S100A9: variants seen among roughly 807,000 people sequenced by gnomAD.
The protein encoded by S100A9 is protein S100-A9.
Under a neutral mutation model 4.3 loss-of-function variants are expected in S100A9, and 2 were observed. The ratio of observed to expected loss-of-function variants is 0.47; its 90% CI spans 0.19 to 1.48. S100A9 has a LOEUF of 1.48. Among genes scored for constraint, S100A9 ranks in the 40% most tolerant of loss-of-function variants. The pLI is 0.24. For synonymous variants in S100A9, 67 were observed against 54.0 expected (o/e 1.24, Z -1.06); for missense variants, 130 against 144.4 (o/e 0.90, Z 0.51).
rs1661442177 is a variant in S100A9 at position 153,361,008 on chromosome 1, A to T, written c.*170A>T. The T allele has an allele frequency of 3.4e-6, 2 of 585,294 alleles. No homozygotes were observed. Among genetic ancestry groups the T allele is most frequent in the African/African-American group, 3.8e-5 (2 of 53,020 alleles). 36.3% of individuals were successfully genotyped at this position (585,294 alleles called of 1,614,324 possible). ...TGGGGCTAGGGGCTGGGGCCAAATAAAGTCTCTTCCTCCAAGTCAGTGCTC... is the reference window on the plus strand; with the variant it reads ...TGGGGCTAGGGGCTGGGGCCAAATATAGTCTCTTCCTCCAAGTCAGTGCTC... On this transcript the variant is annotated 3_prime_UTR_variant, in exon 3 of 3. Coordinates refer to ENST00000368738, the MANE Select transcript of S100A9 (RefSeq NM_002965.4).
intron 2 of S100A9, among the ~76,000 whole-genome samples, chr1:153,358,784 A>G (rs1207593624): frequency 6.6e-6 from 1 of 152,162 alleles, no homozygotes; most frequent in East Asian, 1.9e-4. Context: ...CTGGAAGAAA[A>G]TGAGATAGAG....
At position 153,360,661 on chromosome 1, in the gene S100A9, A is replaced by C; in HGVS notation, c.168A>C (p.Glu56Asp). The change falls in exon 3 of 3, where the codon GAA becomes GAC. Residue 56 changes from glutamate (E) to aspartate (D), a missense_variant. Physicochemically the swap from Glu to Asp is conservative, Grantham distance 45 (BLOSUM62 2). Transcript: ENST00000368738. ...ACCCGCAGAAGGAGAATAAGAATGA[A>C]AAGGTCATAGAACACATCATGGAGG... ...QNFLKKENKN[E>D]KVIEHIMEDL... is the part of the protein sequence containing the mutation. The C allele has an allele frequency of 1.9e-6, 3 of 1,608,072 alleles. No homozygotes were observed. Among genetic ancestry groups the C allele is most frequent in the Non-Finnish European group, 2.6e-6 (3 of 1,175,940 alleles).
At chr1:153,358,970 G>A (rs190946479) in intron 2 of S100A9, among the ~76,000 whole-genome samples, 2 of 152,050 alleles carry the variant, frequency 1.3e-5, no homozygotes, top group East Asian at 3.9e-4. Context: ...GGAACTTGGG[G>A]TGGAAGACTT....
At chr1:153,358,586 G>A (rs529519051) in intron 2 of S100A9, among the ~76,000 whole-genome samples, 153 bp downstream of exon 2, 2 of 152,288 alleles carry the variant, frequency 1.3e-5, no homozygotes, top group South Asian at 4.1e-4. Context: ...TACAGGGCAG[G>A]TGCTCACAGT....
rs557205167 is a variant in S100A9, at chr1:153,358,521, G to C, written c.150+88G>C. 1.7e-3 allele frequency: 1,907 copies of C among 1,130,794 alleles called. 4 individuals carry two copies. Among genetic ancestry groups the C allele is most frequent in the Non-Finnish European group, 2.1e-3 (1,730 of 814,616 alleles). 70.0% of individuals were successfully genotyped at this position (1,130,794 alleles called of 1,614,324 possible). On this transcript the variant is annotated intron_variant, in intron 2 of 2. Transcript: ENST00000368738. Reference sequence around the variant, plus strand: ...TGGGAGTATGGGCTACAGCAATCAAGGGGAAGATTTGAGCTCCTGGAGCCC... The same window carrying C: ...TGGGAGTATGGGCTACAGCAATCAACGGGAAGATTTGAGCTCCTGGAGCCC...
chr1:153,360,802 C>T lies in S100A9; in HGVS notation c.309C>T (p.His103=), dbSNP rs777867385. 8.1e-6 allele frequency: 13 copies of T among 1,613,022 alleles called. No homozygotes were observed. The South Asian group carries it at 1.4e-4, about 18-fold the overall frequency. The part of the protein sequence containing the change: ...KMHEGDEGPG[H]HHKPGLGEGT... The stretch of plus-strand genomic sequence containing the variant: ...ACGAGGGTGACGAGGGCCCTGGCCA[C>T]CACCATAAGCCAGGCCTCGGGGAGG... The change falls in exon 3 of 3, where the codon CAC becomes CAT. Residue 103 remains histidine, a synonymous_variant. Coordinates refer to ENST00000368738, the MANE Select transcript of S100A9 (RefSeq NM_002965.4).
intron 2 of S100A9, among the ~76,000 whole-genome samples, chr1:153,358,674 G>A (rs1661392142): frequency 6.6e-6 from 1 of 152,224 alleles, no homozygotes; most frequent in Non-Finnish European, 1.5e-5. Context: ...GCAGAGGGAT[G>A]TAGTGGTAAA....
At chr1:153,358,175 C>T (rs1661380052) in intron 1 of S100A9, 94 bp from the exon 2 acceptor site, 1 of 779,280 alleles carries the variant, frequency 1.3e-6, no homozygotes, top group African/African-American at 1.7e-5. Context: ...TTGCACTTCC[C>T]CCACTATTTC....
chr1:153,359,103 A>C (rs796939065), intron 2 of S100A9, among the ~76,000 whole-genome samples: 4 of 152,264 alleles, frequency 2.6e-5, no homozygotes, highest in African/African-American at 9.6e-5. Context: ...ATGATTAGGC[A>C]GTTCTAAGAA....
At chr1:153,360,611 C>T in intron 2 of S100A9, 33 bp from the exon 3 acceptor site, 2 of 1,510,102 alleles carry the variant, frequency 1.3e-6, no homozygotes, top group Non-Finnish European at 1.8e-6. Flanking sequence ...CTGGCCACAC[C>T]CAGCTCTCAC....
chr1:153,358,652 G>A lies in S100A9; in HGVS notation c.150+219G>A, dbSNP rs200349381. Among the ~76,000 whole-genome samples the A allele has an allele frequency of 5.9e-5, 9 of 152,318 alleles. No homozygotes were observed. The East Asian group carries it at 1.5e-3, about 26-fold the overall frequency. On this transcript the variant is annotated intron_variant, in intron 2 of 2. Coordinates refer to ENST00000368738, the MANE Select transcript of S100A9 (RefSeq NM_002965.4). ...CAATTGAACACCTGCTATTTGTCGG[G>A]CCCTGTTCTGGGCAGAGGGATGTAG...
At chr1:153,358,117 TG>T (rs1365758292) in intron 1 of S100A9, among the ~76,000 whole-genome samples, 151 bp from the exon 2 acceptor site, 1 of 152,280 alleles carries the variant, frequency 6.6e-6, no homozygotes, top group Non-Finnish European at 1.5e-5. Context: ...TACATGTGTG[TG>T]ACAGGCCATC....
chr1:153,359,778 T>A (rs1661414823), intron 2 of S100A9, among the ~76,000 whole-genome samples: 1 of 137,838 alleles, frequency 7.3e-6, no homozygotes, highest in Admixed American at 8.1e-5. Context: ...AACCTCCACC[T>A]CCTGGGTTCA....
chr1:153,359,744 A>AACGGCACAATCTCGGCTCACCAC (rs1661414348), intron 2 of S100A9, among the ~76,000 whole-genome samples: 2 of 143,004 alleles, frequency 1.4e-5, no homozygotes, highest in African/African-American at 5.3e-5. Flanking sequence ...GCTGGAGTGC[A>AACGGCACAATCTCGGCTCACCAC]ACGGCACAAT....
chr1:153,360,925 C>A lies in S100A9; in HGVS notation c.*87C>A. ...ACAGCCACTAATCAGGAGGCCAGGC[C>A]ACCCTGCCTCTACCCAACCAGGGCC... On this transcript the variant is annotated 3_prime_UTR_variant, in exon 3 of 3. Transcript: ENST00000368738. 9.4e-7 allele frequency: 1 copy of A among 1,062,630 alleles called. No individual in the cohort carries two copies. The highest frequency in any genetic ancestry group is 1.3e-6 in the Non-Finnish European group (1 of 748,080). 65.8% of individuals were successfully genotyped at this position (1,062,630 alleles called of 1,614,324 possible). A position where few individuals can be genotyped will look rare whatever the true frequency, so the allele number is the denominator to read the frequency against.
rs137911187 is a variant in S100A9 at position 153,360,697 on chromosome 1, A to T, written c.204A>T (p.Thr68=). 2.5e-4 allele frequency: 410 copies of T among 1,614,112 alleles called. No homozygotes were observed. Among genetic ancestry groups the T allele is most frequent in the Middle Eastern group, 1.6e-3 (10 of 6,062 alleles). The change falls in exon 3 of 3, where the codon ACA becomes ACT. Residue 68 remains threonine (T), a synonymous_variant. Coordinates refer to ENST00000368738, the MANE Select transcript of S100A9 (RefSeq NM_002965.4). ...AACACATCATGGAGGACCTGGACAC[A>T]AATGCAGACAAGCAGCTGAGCTTCG... is the stretch of plus-strand genomic sequence containing the variant. The part of the protein sequence containing the change: ...VIEHIMEDLD[T]NADKQLSFEE...
In S100A9 at chr1:153,360,832, C is replaced by A; in HGVS notation, c.339C>A (p.Thr113=). The change falls in exon 3 of 3, where the codon ACC becomes ACA. Residue 113 remains threonine (T), a synonymous_variant. Coordinates refer to ENST00000368738, the MANE Select transcript of S100A9 (RefSeq NM_002965.4). Reference sequence around the variant, plus strand: ...ATAAGCCAGGCCTCGGGGAGGGCACCCCCTAAGACCACAGTGGCCAAGATC... The same window carrying A: ...ATAAGCCAGGCCTCGGGGAGGGCACACCCTAAGACCACAGTGGCCAAGATC... ...HHHKPGLGEG[T]P 2 of 1,599,666 alleles carry A rather than the reference C, an allele frequency of 1.3e-6. No individual in the cohort carries two copies. Among genetic ancestry groups the A allele is most frequent in the African/African-American group, 1.3e-5 (1 of 74,384 alleles).
chr1:153,360,319 G>A (rs1411599634), intron 2 of S100A9, among the ~76,000 whole-genome samples: 1 of 152,128 alleles, frequency 6.6e-6, no homozygotes, highest in Non-Finnish European at 1.5e-5. Flanking sequence ...AGCTGTTAAA[G>A]TTGTTATAAG....
intron 2 of S100A9, 59 bp from the exon 3 acceptor site, chr1:153,360,585 C>T (rs1661429313): frequency 1.7e-6 from 2 of 1,163,196 alleles, no homozygotes; most frequent in Middle Eastern, 2.0e-4. Context: ...ATTTACTGTG[C>T]TCCCAGTCCC....
Sources: allele counts gnomAD v4.1 joint callset (sites outside exome capture counted in the v4.1 genomes callset), GRCh38; gene constraint gnomAD v4.1.1; transcripts MANE v1.5; gene names NCBI Gene and HGNC (gene_info 2026-07-23, HGNC 2026-07-21).